The following EFCAB8 variants were observed in gnomAD, a reference collection of about 807,000 sequenced individuals.
The protein encoded by EFCAB8 is EF-hand calcium binding domain 8, also known as EF-hand calcium-binding domain-containing protein 8.
EFCAB8 carries 100 observed loss-of-function variants against 116.3 expected under a neutral mutation model. The ratio of observed to expected loss-of-function variants is 0.86; its 90% CI spans 0.73 to 1.02. The LOEUF (loss-of-function observed/expected upper bound fraction) is 1.02. EFCAB8 is among the 50% of genes least tolerant of loss of function. The pLI is 0.00. For synonymous variants in EFCAB8, 558 were observed against 567.9 expected (o/e 0.98, Z 0.25); for missense variants, 1,320 against 1,416.9 (o/e 0.93, Z 1.10).
At chr20:32,894,059 G>T (rs141025647) in intron 9 of EFCAB8, among the ~76,000 whole-genome samples, 4 of 152,176 alleles carry the variant, frequency 2.6e-5, no homozygotes. Context: ...TGCCCAGGTC[G>T]CTAGATCCCC....
intron 23 of EFCAB8, among the ~76,000 whole-genome samples, chr20:32,946,864 TTA>T (rs1392335174): frequency 6.6e-6 from 1 of 152,246 alleles, no homozygotes; most frequent in Non-Finnish European, 1.5e-5. Flanking sequence ...CTTTTCCAGA[TTA>T]TCATAAATGG....
chr20:32,878,020 C>A (rs577731764), intron 4 of EFCAB8, among the ~76,000 whole-genome samples: 1 of 152,264 alleles, frequency 6.6e-6, no homozygotes, highest in East Asian at 1.9e-4. Flanking sequence ...TGGCTCACAC[C>A]TTTAATCCTA....
At chr20:32,871,005 C>T (rs904784385) in intron 3 of EFCAB8, among the ~76,000 whole-genome samples, 5 of 151,832 alleles carry the variant, frequency 3.3e-5, no homozygotes, top group African/African-American at 7.3e-5. Context: ...ACTACAGGCA[C>T]GCACCACTGG....
intron 8 of EFCAB8, among the ~76,000 whole-genome samples, chr20:32,892,844 T>C (rs569444513): frequency 1.1e-4 from 17 of 148,500 alleles, no homozygotes; most frequent in Non-Finnish European, 1.8e-4. Flanking sequence ...TTTTTTTTTT[T>C]TTTCTTTTTT....
intron 22 of EFCAB8, 42 bp downstream of exon 22, chr20:32,931,378 A>G: frequency 6.7e-7 from 1 of 1,491,166 alleles, no homozygotes; most frequent in South Asian, 1.4e-5. Flanking sequence ...AGTGCCTTTG[A>G]GCCCCACAAA....
intron 1 of EFCAB8, among the ~76,000 whole-genome samples, chr20:32,860,966 C>G (rs528730836): frequency 3.4e-4 from 52 of 152,128 alleles, no homozygotes; most frequent in Admixed American, 2.1e-3. Flanking sequence ...TCTCAAATTC[C>G]TGGGCTCAAG....
At chr20:32,941,820 TTGAA>T (rs915060901) in intron 22 of EFCAB8, among the ~76,000 whole-genome samples, 40 of 152,320 alleles carry the variant, frequency 2.6e-4, no homozygotes, top group Admixed American at 9.2e-4. Flanking sequence ...CTAAAAACCA[TTGAA>T]TGAGCACTTT....
intron 17 of EFCAB8, chr20:32,917,022 C>G: frequency 2.5e-6 from 1 of 394,412 alleles, no homozygotes; most frequent in Non-Finnish European, 4.6e-6. Flanking sequence ...CCCCTTTAAA[C>G]CTTAATCCTT....
chr20:32,901,663 T>C (rs992708432), intron 11 of EFCAB8, among the ~76,000 whole-genome samples: 1 of 152,218 alleles, frequency 6.6e-6, no homozygotes, highest in Non-Finnish European at 1.5e-5. Flanking sequence ...CTGTCTGTGG[T>C]ATGCTCTTGT....
intron 8 of EFCAB8, among the ~76,000 whole-genome samples, chr20:32,892,831 CT>C (rs59567336): frequency 0.063 from 8,399 of 134,050 alleles, 282 homozygotes; most frequent in African/African-American, 0.1. Flanking sequence ...TCCACAGCCT[CT>C]TTTTTTTTTT....
At chr20:32,869,572 T>G (rs935212619) in intron 3 of EFCAB8, among the ~76,000 whole-genome samples, 2 of 152,130 alleles carry the variant, frequency 1.3e-5, no homozygotes, top group Non-Finnish European at 2.9e-5. Flanking sequence ...CATGTAATCA[T>G]GTGCACATAG....
chr20:32,943,543 A>G (rs1001866254), intron 22 of EFCAB8, 93 bp from the exon 23 acceptor site: 1 of 415,894 alleles, frequency 2.4e-6, no homozygotes. Flanking sequence ...GGGCCCTTCC[A>G]ACTGGGCTCT....
At chr20:32,907,115 C>T (rs1381288519) in intron 13 of EFCAB8, 121 bp downstream of exon 13, 2 of 1,422,946 alleles carry the variant, frequency 1.4e-6, no homozygotes, top group Admixed American at 3.1e-5. Context: ...AGGAGGGGCC[C>T]CGGGTGGGAG....
At chr20:32,956,827 G>T (rs1988978329) in intron 23 of EFCAB8, among the ~76,000 whole-genome samples, 1 of 151,876 alleles carries the variant, frequency 6.6e-6, no homozygotes, top group Non-Finnish European at 1.5e-5. Flanking sequence ...AAAGCATTCA[G>T]ATATTATCTC....
chr20:32,917,745 G>A (rs949400730), intron 18 of EFCAB8, among the ~76,000 whole-genome samples: 3 of 152,220 alleles, frequency 2.0e-5, no homozygotes, highest in Non-Finnish European at 2.9e-5. Context: ...CAGCCAAGAA[G>A]GAGTAGACCC....
chr20:32,907,252 C>T lies in EFCAB8; in HGVS notation c.1308+258C>T, dbSNP rs372198138. ...TTTTCTGAGCCTCAGTCCTCAGTCT[C>T]CCTATCCATAGAATGGGCTGTTGAG... is the stretch of plus-strand genomic sequence containing the variant. On this transcript the variant is annotated intron_variant, in intron 13 of 26. Coordinates refer to ENST00000400522, the MANE Select transcript of EFCAB8 (RefSeq NM_001143967.2). The T allele has an allele frequency of 1.0e-4, 39 of 379,276 alleles. 1 individual carries two copies. Among genetic ancestry groups the T allele is most frequent in the African/African-American group, 6.1e-4 (28 of 45,658 alleles). The allele number at this position is 379,276 out of a possible 1,614,324, so 23.5% of individuals were successfully genotyped here. A position where few individuals can be genotyped will look rare whatever the true frequency, so the allele number is the denominator to read the frequency against.
intron 26 of EFCAB8, 145 bp from the exon 27 acceptor site, chr20:32,960,991 A>G: frequency 1.4e-6 from 1 of 691,874 alleles, no homozygotes; most frequent in East Asian, 2.7e-5. Flanking sequence ...CACGGTGGTT[A>G]GTGGTAGCCA....
intron 5 of EFCAB8, among the ~76,000 whole-genome samples, chr20:32,880,569 C>G (rs1985277744): frequency 6.6e-6 from 1 of 152,006 alleles, no homozygotes; most frequent in Admixed American, 6.6e-5. Context: ...CTGTACCCGG[C>G]AATAACTTAA....
intron 23 of EFCAB8, among the ~76,000 whole-genome samples, chr20:32,957,738 G>A (rs918021192): frequency 3.3e-5 from 5 of 151,978 alleles, no homozygotes; most frequent in African/African-American, 1.2e-4. Context: ...TCTAAGCCAA[G>A]TCTGATTCTC....
Sources: gnomAD v4.1 joint callset for allele counts (sites outside exome capture counted in the v4.1 genomes callset) on GRCh38, gnomAD v4.1.1 for gene constraint, MANE v1.5 for transcripts, NCBI Gene and HGNC (gene_info 2026-07-23, HGNC 2026-07-21) for gene names.